Variants in CACNB2 observed in about 807,000 individuals in gnomAD.
CACNB2 encodes the protein calcium voltage-gated channel auxiliary subunit beta 2, also known as voltage-dependent L-type calcium channel subunit beta-2.
In CACNB2, 42 loss-of-function variants were observed where a neutral mutation model predicts 73.3. The ratio of observed to expected loss-of-function variants is 0.57; its 90% CI spans 0.45 to 0.74. The LOEUF is 0.74. CACNB2 is among the 30% of genes least tolerant of loss of function. The probability of loss-of-function intolerance (pLI) is 0.00; values close to 1 mark genes in which losing one functional copy is unlikely to be tolerated. For missense variants in CACNB2, 940 were observed against 853.0 expected (o/e 1.10, Z -1.27); for synonymous variants, 348 against 310.3 (o/e 1.12, Z -1.28).
rs73597544 is a variant in CACNB2, at chr10:18,233,530, A to T, written c.213+82555A>T. 9.8e-3 allele frequency among the ~76,000 whole-genome samples: 1,487 copies of T among 152,180 alleles called. 20 individuals are homozygous for T. Among genetic ancestry groups the T allele is most frequent in the African/African-American group, 0.034 (1,423 of 41,530 alleles). On this transcript the variant is annotated intron_variant, in intron 2 of 13. Coordinates refer to ENST00000324631, the MANE Select transcript of CACNB2 (RefSeq NM_201596.3). ...AAAAAGAATGATGTTCTTATTTTTT[A>T]AAAACTAGGTACTGCGCTGAGAATT...
intron 2 of CACNB2, among the ~76,000 whole-genome samples, chr10:18,204,263 A>T (rs769054621): frequency 3.9e-5 from 6 of 152,238 alleles, no homozygotes; most frequent in Non-Finnish European, 5.9e-5. Flanking sequence ...ACTTTTGTAT[A>T]AAGTGTCATT....
intron 2 of CACNB2, among the ~76,000 whole-genome samples, chr10:18,178,414 C>A (rs2033711797): frequency 6.6e-6 from 1 of 152,108 alleles, no homozygotes; most frequent in South Asian, 2.1e-4. Flanking sequence ...CTGAATTGTG[C>A]ATGTATATCA....
intron 2 of CACNB2, among the ~76,000 whole-genome samples, chr10:18,226,458 T>G (rs1322613575): frequency 6.6e-6 from 1 of 152,188 alleles, no homozygotes; most frequent in Non-Finnish European, 1.5e-5. Context: ...ATTACCCTAG[T>G]GATGTTTTAA....
chr10:18,426,526 C>G (rs1271853083), intron 3 of CACNB2, among the ~76,000 whole-genome samples: 1 of 152,124 alleles, frequency 6.6e-6, no homozygotes, highest in African/African-American at 2.4e-5. Context: ...ATAGGACAGT[C>G]ATAGCATGTG....
intron 2 of CACNB2, among the ~76,000 whole-genome samples, chr10:18,185,304 C>A (rs972346776): frequency 2.0e-5 from 3 of 152,242 alleles, no homozygotes; most frequent in South Asian, 4.1e-4. Context: ...TTGTTGGTAG[C>A]TTGATTCTGT....
At chr10:18,238,726 A>C (rs967909070) in intron 2 of CACNB2, among the ~76,000 whole-genome samples, 1 of 152,200 alleles carries the variant, frequency 6.6e-6, no homozygotes, top group African/African-American at 2.4e-5. Context: ...GAGTAGCTTC[A>C]TTCAGATAAT....
At chr10:18,154,970 G>A (rs567103648) in intron 2 of CACNB2, among the ~76,000 whole-genome samples, 84 of 152,194 alleles carry the variant, frequency 5.5e-4, no homozygotes, top group Non-Finnish European at 1.1e-3. Context: ...CCACCCTGTA[G>A]TAATCTGTTA....
chr10:18,148,505 G>C (rs533204123), intron 1 of CACNB2, among the ~76,000 whole-genome samples: 14 of 152,276 alleles, frequency 9.2e-5, no homozygotes, highest in South Asian at 2.1e-4. Flanking sequence ...TCAACTTCTT[G>C]CAGAGAACAG....
intron 2 of CACNB2, among the ~76,000 whole-genome samples, chr10:18,329,111 C>T (rs913938416): frequency 2.0e-5 from 3 of 152,132 alleles, no homozygotes; most frequent in African/African-American, 7.2e-5. Flanking sequence ...CTGTCATTGA[C>T]TTGCAAGGAT....
At chr10:18,472,838 A>C (rs960619734) in intron 3 of CACNB2, among the ~76,000 whole-genome samples, 3 of 152,224 alleles carry the variant, frequency 2.0e-5, no homozygotes, top group Admixed American at 2.0e-4. Context: ...TTGCTTCAAA[A>C]TGTAGCTACC....
intron 2 of CACNB2, among the ~76,000 whole-genome samples, chr10:18,368,881 A>G (rs921300790): frequency 2.0e-5 from 3 of 152,178 alleles, no homozygotes; most frequent in Admixed American, 1.3e-4. Context: ...CAGTTACAGC[A>G]TGAGTCACTC....
At chr10:18,180,451 CTTT>C (rs75790306) in intron 2 of CACNB2, among the ~76,000 whole-genome samples, 1 of 145,336 alleles carries the variant, frequency 6.9e-6, no homozygotes, top group African/African-American at 2.5e-5. Flanking sequence ...GTAAGGCTGC[CTTT>C]TTTTTTTTTT....
intron 2 of CACNB2, chr10:18,260,496 T>A (rs1324311186): frequency 2.0e-6 from 2 of 985,404 alleles, no homozygotes; most frequent in Non-Finnish European, 2.4e-6. Context: ...AGTCAGGTCC[T>A]GAGGCCACTC....
chr10:18,239,333 A>G (rs2036563373), intron 2 of CACNB2, among the ~76,000 whole-genome samples: 1 of 151,984 alleles, frequency 6.6e-6, no homozygotes, highest in Non-Finnish European at 1.5e-5. Flanking sequence ...CCGAGTCTCC[A>G]GTGTCTATTA....
intron 2 of CACNB2, among the ~76,000 whole-genome samples, chr10:18,399,036 G>C (rs1021019270): frequency 6.6e-6 from 1 of 152,158 alleles, no homozygotes; most frequent in Non-Finnish European, 1.5e-5. Context: ...AATTATGTGT[G>C]GGTGTTATGC....
At chr10:18,413,832 G>C (rs939581778) in intron 3 of CACNB2, among the ~76,000 whole-genome samples, 1 of 152,180 alleles carries the variant, frequency 6.6e-6, no homozygotes, top group African/African-American at 2.4e-5. Flanking sequence ...TACGTATAAA[G>C]CACAAGGTTC....
chr10:18,498,598 A>G (rs1306050895), intron 4 of CACNB2, 121 bp downstream of exon 4: 1 of 973,118 alleles, frequency 1.0e-6, no homozygotes, highest in Non-Finnish European at 1.6e-6. Flanking sequence ...GTTGTATAAC[A>G]CACATAACTA....
At chr10:18,437,232 A>G (rs1360078942) in intron 3 of CACNB2, among the ~76,000 whole-genome samples, 1 of 152,224 alleles carries the variant, frequency 6.6e-6, no homozygotes, top group Non-Finnish European at 1.5e-5. Flanking sequence ...CCTGATATCC[A>G]CAAGACAGAT....
intron 2 of CACNB2, among the ~76,000 whole-genome samples, chr10:18,391,943 A>G (rs909297278): frequency 2.0e-5 from 3 of 151,622 alleles, no homozygotes; most frequent in African/African-American, 4.8e-5. Context: ...AAAAAAAAAA[A>G]AAGAAGGTAA....
Sources: allele counts gnomAD v4.1 joint callset (sites outside exome capture counted in the v4.1 genomes callset), GRCh38; gene constraint gnomAD v4.1.1; transcripts MANE v1.5; gene names NCBI Gene and HGNC (gene_info 2026-07-23, HGNC 2026-07-21).